The following ATP10A variants were observed in gnomAD, a reference collection of about 807,000 sequenced individuals.
ATP10A encodes ATPase phospholipid transporting 10A (putative).
A neutral mutation model predicts 147.8 loss-of-function variants in ATP10A; 111 were observed. That is an observed-to-expected ratio of 0.75 (90% CI 0.64 to 0.88). ATP10A has a LOEUF of 0.88. ATP10A is among the 40% of genes least tolerant of loss of function. The pLI is 0.00. For missense variants in ATP10A, 1,927 were observed against 1,959.0 expected (o/e 0.98, Z 0.31); for synonymous variants, 875 against 841.6 (o/e 1.04, Z -0.69).
At chr15:25,691,111 A>G (rs1900010838) in intron 15 of ATP10A, among the ~76,000 whole-genome samples, 1 of 152,198 alleles carries the variant, frequency 6.6e-6, no homozygotes, top group African/African-American at 2.4e-5. Context: ...ATTGTTCCCT[A>G]AAATCTCCAC....
chr15:25,762,434 G>A (rs746114245), intron 2 of ATP10A, among the ~76,000 whole-genome samples: 5 of 151,968 alleles, frequency 3.3e-5, no homozygotes, highest in Admixed American at 1.3e-4. Context: ...GCACCACCAC[G>A]CCCGGCAAAT....
intron 12 of ATP10A, 53 bp downstream of exon 12, chr15:25,707,923 C>A: frequency 2.5e-6 from 4 of 1,597,590 alleles, no homozygotes; most frequent in South Asian, 1.1e-5. Flanking sequence ...CCTCCAGGGC[C>A]GTCCCTGCAA....
intron 1 of ATP10A, among the ~76,000 whole-genome samples, chr15:25,811,252 T>C (rs1469645870): frequency 6.6e-6 from 1 of 152,096 alleles, no homozygotes. Context: ...TTCCCTGGAC[T>C]CCAGCAGGCT....
chr15:25,823,323 A>T (rs750550402), intron 1 of ATP10A, among the ~76,000 whole-genome samples: 2 of 152,232 alleles, frequency 1.3e-5, no homozygotes, highest in African/African-American at 2.4e-5. Flanking sequence ...ATCATGAGGA[A>T]TATTCACACA....
At chr15:25,772,552 C>T (rs1207333449) in intron 2 of ATP10A, among the ~76,000 whole-genome samples, 1 of 152,192 alleles carries the variant, frequency 6.6e-6, no homozygotes, top group Non-Finnish European at 1.5e-5. Flanking sequence ...GATGAGCAAA[C>T]CAGCTATTTG....
chr15:25,796,706 C>G (rs28624477), intron 1 of ATP10A, among the ~76,000 whole-genome samples: 11 of 152,044 alleles, frequency 7.2e-5, no homozygotes, highest in African/African-American at 2.7e-4. Context: ...TGGGCAGGTG[C>G]TACCTGCCTG....
At chr15:25,745,102 G>A (rs987549565) in intron 2 of ATP10A, among the ~76,000 whole-genome samples, 9 of 152,160 alleles carry the variant, frequency 5.9e-5, no homozygotes, top group Non-Finnish European at 1.2e-4. Context: ...GAGGCAGGCA[G>A]ATCACGACGT....
intron 1 of ATP10A, among the ~76,000 whole-genome samples, chr15:25,815,815 C>T (rs950025690): frequency 6.6e-6 from 1 of 152,060 alleles, no homozygotes; most frequent in African/African-American, 2.4e-5. Context: ...GCAACTAGCT[C>T]GCCTGCTTAG....
chr15:25,861,274 C>T (rs1893748573), intron 1 of ATP10A, among the ~76,000 whole-genome samples: 1 of 152,160 alleles, frequency 6.6e-6, no homozygotes, highest in African/African-American at 2.4e-5. Flanking sequence ...TTTTAACAAG[C>T]GCCTTCAGTG....
chr15:25,727,285 C>T lies in ATP10A; in HGVS notation c.741-19G>A. 2 of 1,597,918 alleles carry T rather than the reference C, an allele frequency of 1.3e-6. No homozygotes were observed. The highest frequency in any genetic ancestry group is 1.1e-5 in the South Asian group (1 of 90,764). On this transcript the variant is annotated intron_variant, in intron 3 of 20. Transcript: ENST00000555815. Reference sequence around the variant, plus strand: ...ATGTATGCTGTAGAGGGACAGTTGGCACATGTCACGTGGTTGCAGGCCTGT... The same window carrying T: ...ATGTATGCTGTAGAGGGACAGTTGGTACATGTCACGTGGTTGCAGGCCTGT...
chr15:25,798,957 G>A (rs188685249), intron 1 of ATP10A, among the ~76,000 whole-genome samples: 24 of 152,142 alleles, frequency 1.6e-4, no homozygotes, highest in Non-Finnish European at 2.8e-4. Flanking sequence ...AAACTCCCCC[G>A]TCCTCATGTA....
At chr15:25,816,252 A>AG (rs1448530239) in intron 1 of ATP10A, among the ~76,000 whole-genome samples, 14 of 150,360 alleles carry the variant, frequency 9.3e-5, no homozygotes, top group Non-Finnish European at 1.6e-4. Flanking sequence ...TTTTTTGATG[A>AG]GGGGTCTCAC....
intron 3 of ATP10A, among the ~76,000 whole-genome samples, chr15:25,732,444 C>T (rs1443805813): frequency 4.6e-5 from 7 of 152,030 alleles, no homozygotes; most frequent in Admixed American, 6.6e-5. Flanking sequence ...CCTAGACCCA[C>T]GGGCAGTCAC....
intron 1 of ATP10A, among the ~76,000 whole-genome samples, chr15:25,846,555 G>A (rs953390448): frequency 6.6e-6 from 1 of 152,126 alleles, no homozygotes; most frequent in African/African-American, 2.4e-5. Flanking sequence ...TGGGCATGAG[G>A]GTAGACCATG....
intron 1 of ATP10A, among the ~76,000 whole-genome samples, chr15:25,835,533 C>G (rs1892552876): frequency 6.6e-6 from 1 of 152,098 alleles, no homozygotes; most frequent in South Asian, 2.1e-4. Flanking sequence ...TGCCAATTGT[C>G]CTGAACAGGG....
chr15:25,765,454 A>T (rs918098550), intron 2 of ATP10A, among the ~76,000 whole-genome samples: 1 of 152,200 alleles, frequency 6.6e-6, no homozygotes, highest in Admixed American at 6.5e-5. Context: ...TTAAAGTCAG[A>T]GACTTAGCGT....
chr15:25,681,175 C>CAAA, intron 17 of ATP10A, 101 bp from the exon 18 acceptor site: 3 of 944,150 alleles, frequency 3.2e-6, no homozygotes, highest in Non-Finnish European at 4.5e-6. Flanking sequence ...AAAACAACAA[C>CAAA]AATAACAACA....
chr15:25,845,735 C>G (rs116706693), intron 1 of ATP10A, among the ~76,000 whole-genome samples: 1 of 152,100 alleles, frequency 6.6e-6, no homozygotes, highest in African/African-American at 2.4e-5. Context: ...CAAATGCTAC[C>G]GTGGGAGGGT....
At chr15:25,729,306 G>C (rs1157822411) in intron 3 of ATP10A, among the ~76,000 whole-genome samples, 1 of 152,144 alleles carries the variant, frequency 6.6e-6, no homozygotes, top group African/African-American at 2.4e-5. Context: ...GATCAATATG[G>C]TGAAACCCCG....
Sources: gnomAD v4.1 joint callset for allele counts (sites outside exome capture counted in the v4.1 genomes callset) on GRCh38, gnomAD v4.1.1 for gene constraint, MANE v1.5 for transcripts, NCBI Gene and HGNC (gene_info 2026-07-23, HGNC 2026-07-21) for gene names.